The following CDH13 variants were observed in gnomAD, a reference collection of about 807,000 sequenced individuals.
CDH13 encodes cadherin-13.
CDH13 carries 24 observed loss-of-function variants against 63.8 expected under a neutral mutation model. The ratio of observed to expected loss-of-function variants is 0.38; its 90% CI spans 0.27 to 0.53. The LOEUF (loss-of-function observed/expected upper bound fraction) is 0.53. Among genes scored for constraint, CDH13 ranks in the 20% least tolerant of loss-of-function variants. The pLI is 0.85. For synonymous variants in CDH13, 503 were observed against 355.3 expected, an observed-to-expected ratio of 1.42 and a Z score of -4.67; for missense variants, 1,049 against 903.1, an observed-to-expected ratio of 1.16 and a Z score of -2.07.
chr16:83,602,215 AG>A (rs2150750954), intron 7 of CDH13, among the ~76,000 whole-genome samples: 1 of 150,742 alleles, frequency 6.6e-6, no homozygotes, highest in Non-Finnish European at 1.5e-5. Context: ...TCCCTAAAAA[AG>A]AACAGTAAAT....
At chr16:83,336,564 T>C (rs1257281804) in intron 5 of CDH13, among the ~76,000 whole-genome samples, 1 of 152,196 alleles carries the variant, frequency 6.6e-6, no homozygotes, top group East Asian at 1.9e-4. Context: ...TGTGCTTTGA[T>C]TCTGTGTGAT....
intron 10 of CDH13, among the ~76,000 whole-genome samples, chr16:83,746,898 T>G (rs1235426150): frequency 1.3e-5 from 2 of 152,212 alleles, no homozygotes; most frequent in East Asian, 3.8e-4. Flanking sequence ...AAGAGCAACC[T>G]CAAAACAAGT....
At chr16:83,021,989 T>C (rs777113758) in intron 2 of CDH13, among the ~76,000 whole-genome samples, 7 of 152,218 alleles carry the variant, frequency 4.6e-5, no homozygotes, top group African/African-American at 7.2e-5. Flanking sequence ...AGAATGCTGG[T>C]GAAATGAGAG....
chr16:83,440,731 G>T (rs1401414421), intron 6 of CDH13, among the ~76,000 whole-genome samples: 1 of 145,718 alleles, frequency 6.9e-6, no homozygotes, highest in Non-Finnish European at 1.5e-5. Context: ...GCTACAGTGA[G>T]TTGAGACTGA....
chr16:83,115,148 C>A (rs1172647427), intron 3 of CDH13, among the ~76,000 whole-genome samples: 1 of 152,194 alleles, frequency 6.6e-6, no homozygotes, highest in Admixed American at 6.5e-5. Flanking sequence ...CCAGCAGCAA[C>A]CCTGGGGAGG....
intron 13 of CDH13, among the ~76,000 whole-genome samples, chr16:83,789,351 G>C (rs2875821): frequency 7.3e-6 from 1 of 137,912 alleles, no homozygotes; most frequent in Non-Finnish European, 1.5e-5. Flanking sequence ...TTTTTTGTTT[G>C]TCTGTTTTGT....
intron 2 of CDH13, among the ~76,000 whole-genome samples, chr16:82,867,319 G>A (rs2040184184): frequency 6.6e-6 from 1 of 152,120 alleles, no homozygotes; most frequent in African/African-American, 2.4e-5. Flanking sequence ...AAGGAAATTT[G>A]CCGGTGTGTT....
chr16:83,682,317 C>A (rs568498906), intron 10 of CDH13, among the ~76,000 whole-genome samples: 1 of 151,998 alleles, frequency 6.6e-6, no homozygotes, highest in Non-Finnish European at 1.5e-5. Context: ...TGGGAAGAGG[C>A]GTTACTAGGA....
intron 1 of CDH13, among the ~76,000 whole-genome samples, chr16:82,812,867 A>G (rs568994412): frequency 1.3e-3 from 193 of 144,210 alleles, no homozygotes; most frequent in Non-Finnish European, 2.3e-3. Flanking sequence ...TCTTTCCTGT[A>G]GGAGATACTT....
intron 11 of CDH13, among the ~76,000 whole-genome samples, chr16:83,756,704 A>G (rs1913537946): frequency 6.6e-6 from 1 of 152,356 alleles, no homozygotes; most frequent in African/African-American, 2.4e-5. Flanking sequence ...TAAAGAGGCC[A>G]TTTCATAATG....
At chr16:82,988,089 C>G (rs1206449994) in intron 2 of CDH13, among the ~76,000 whole-genome samples, 1 of 152,198 alleles carries the variant, frequency 6.6e-6, no homozygotes, top group Non-Finnish European at 1.5e-5. Context: ...AATAACCCTC[C>G]TTCCTCAATC....
intron 4 of CDH13, among the ~76,000 whole-genome samples, chr16:83,201,440 G>T (rs1019529318): frequency 6.7e-6 from 1 of 149,768 alleles, no homozygotes; most frequent in Admixed American, 6.6e-5. Context: ...TCTGCAAAGA[G>T]ATGAGTATAA....
intron 5 of CDH13, among the ~76,000 whole-genome samples, chr16:83,340,324 G>GTGTGTGTGTA (rs1420350423): frequency 1.3e-5 from 2 of 151,952 alleles, no homozygotes; most frequent in Admixed American, 1.3e-4. Flanking sequence ...GTGTGTGTGT[G>GTGTGTGTGTA]TGTATGTGCG....
At chr16:83,162,749 C>T (rs1186649573) in intron 4 of CDH13, among the ~76,000 whole-genome samples, 1 of 152,062 alleles carries the variant, frequency 6.6e-6, no homozygotes. Flanking sequence ...ATTCAATAGG[C>T]CTGAGATTAG....
At chr16:82,903,545 G>A (rs563866801) in intron 2 of CDH13, among the ~76,000 whole-genome samples, 16 of 152,208 alleles carry the variant, frequency 1.1e-4, no homozygotes, top group South Asian at 4.1e-4. Flanking sequence ...TTTCTCTGAC[G>A]CTTAGGACTT....
intron 11 of CDH13, chr16:83,772,868 A>G (rs1228943928): frequency 6.6e-6 from 1 of 152,282 alleles, no homozygotes; most frequent in African/African-American, 2.4e-5. Flanking sequence ...TGAACATGTC[A>G]AAGAAAAATG....
chr16:83,656,677 G>C lies in CDH13; in HGVS notation c.1102-14113G>C, dbSNP rs549009041. Among the ~76,000 whole-genome samples, 108 of 152,336 alleles carry C rather than the reference G, an allele frequency of 7.1e-4. 1 individual carries two copies. The highest frequency in any genetic ancestry group is 2.6e-3 in the African/African-American group (107 of 41,564). ...GATCAAGGCTCCTGAGCCATTTCCTGTGGGAAAGTAGACATCTTTGAATGA... is the reference window on the plus strand; with the variant it reads ...GATCAAGGCTCCTGAGCCATTTCCTCTGGGAAAGTAGACATCTTTGAATGA... On this transcript the variant is annotated intron_variant, in intron 8 of 13. Transcript: ENST00000567109.
At chr16:83,627,754 T>C (rs148831484) in intron 8 of CDH13, among the ~76,000 whole-genome samples, 1 of 152,206 alleles carries the variant, frequency 6.6e-6, no homozygotes, top group African/African-American at 2.4e-5. Context: ...GGTTCTTGGA[T>C]CTTACACAAG....
intron 4 of CDH13, among the ~76,000 whole-genome samples, chr16:83,198,359 G>C (rs1417299335): frequency 2.0e-5 from 3 of 149,598 alleles, no homozygotes; most frequent in Non-Finnish European, 4.5e-5. Flanking sequence ...ACACAATCAT[G>C]ACCAGCTCAA....
Sources: allele counts gnomAD v4.1 joint callset (sites outside exome capture counted in the v4.1 genomes callset), GRCh38; gene constraint gnomAD v4.1.1; transcripts MANE v1.5; gene names NCBI Gene and HGNC (gene_info 2026-07-23, HGNC 2026-07-21).